DMD: variants seen among roughly 807,000 people sequenced by gnomAD.
DMD encodes mutant dystrophin.
A neutral mutation model predicts 330.1 loss-of-function variants in DMD; 63 were observed. The observed-to-expected ratio is 0.19, with a 90% CI of 0.16 to 0.24. The LOEUF is 0.24. Ranked by LOEUF, DMD falls within the 10% of genes least tolerant of loss-of-function variation. DMD has a pLI of 1.00. For missense variants in DMD, 3,344 were observed against 2,684.1 expected, an observed-to-expected ratio of 1.25 and a Z score of -5.43; for synonymous variants, 1,223 against 959.8, an observed-to-expected ratio of 1.27 and a Z score of -5.07.
intron 68 of DMD, among the ~76,000 whole-genome samples, chrX:31,181,495 G>T (rs1057447820): frequency 9.0e-6 from 1 of 111,353 alleles, no homozygotes; most frequent in Admixed American, 9.6e-5. Flanking sequence ...CAGAGAAAAG[G>T]TAGCTTAGAA....
intron 18 of DMD, among the ~76,000 whole-genome samples, chrX:32,514,704 G>A (rs929364070): frequency 1.4e-4 from 16 of 112,636 alleles, no homozygotes; most frequent in African/African-American, 4.5e-4. Context: ...TCGCGCCACT[G>A]CACTCCCGCC....
intron 11 of DMD, among the ~76,000 whole-genome samples, chrX:32,625,163 G>A (rs1206643704): frequency 9.0e-6 from 1 of 111,271 alleles, no homozygotes; most frequent in Non-Finnish European, 1.9e-5. Context: ...AGAGTGAAAC[G>A]CCGTTTCAAA....
Position 32,425,995 on chromosome X carries a change from C to A in DMD, c.4071+12246G>T, listed in dbSNP as rs191385574. On this transcript the variant is annotated intron_variant, in intron 29 of 78. Coordinates refer to ENST00000357033, the MANE Select transcript of DMD (RefSeq NM_004006.3). Reference sequence around the variant, plus strand: ...AAATCAACTCAAGATGAATGAAAGACTTAAAATGTCAAAGCAAAACTTTAA... The same window carrying A: ...AAATCAACTCAAGATGAATGAAAGAATTAAAATGTCAAAGCAAAACTTTAA... 6.6e-3 allele frequency among the ~76,000 whole-genome samples: 742 copies of A among 111,946 alleles called. 4 individuals carry two copies. The highest frequency in any genetic ancestry group is 0.065 in the South Asian group (178 of 2,719).
chrX:32,234,734 C>T (rs1203169870), intron 43 of DMD, among the ~76,000 whole-genome samples: 1 of 111,805 alleles, frequency 8.9e-6, no homozygotes, highest in Non-Finnish European at 1.9e-5. Flanking sequence ...GTATCATTCA[C>T]CTTAAATACC....
chrX:31,853,421 T>C (rs1205077962), intron 48 of DMD, among the ~76,000 whole-genome samples: 1 of 111,995 alleles, frequency 8.9e-6, no homozygotes, highest in Non-Finnish European at 1.9e-5. Flanking sequence ...TGCTTTAGGA[T>C]ATTACAGTGT....
intron 7 of DMD, among the ~76,000 whole-genome samples, chrX:32,805,254 T>C (rs1234533050): frequency 1.1e-4 from 12 of 111,770 alleles, no homozygotes; most frequent in Non-Finnish European, 2.1e-4. Context: ...ATAACCAGTT[T>C]AGGCAAAACA....
intron 2 of DMD, among the ~76,000 whole-genome samples, chrX:32,947,663 A>C (rs1368356068): frequency 1.8e-5 from 2 of 112,036 alleles, no homozygotes. Context: ...TCATTGAGGA[A>C]AGTCATACAT....
intron 1 of DMD, among the ~76,000 whole-genome samples, chrX:33,109,906 T>G (rs2148426264): frequency 9.0e-6 from 1 of 111,233 alleles, no homozygotes; most frequent in South Asian, 3.8e-4. Context: ...AAATGCAATC[T>G]TGCACATTGA....
intron 49 of DMD, among the ~76,000 whole-genome samples, chrX:31,829,456 A>G (rs1785213553): frequency 9.6e-6 from 1 of 104,397 alleles, no homozygotes; most frequent in Non-Finnish European, 2.0e-5. Flanking sequence ...TTAAAAATAA[A>G]AAAAAATTTT....
At chrX:31,457,266 A>T (rs1347984060) in intron 59 of DMD, among the ~76,000 whole-genome samples, 1 of 111,434 alleles carries the variant, frequency 9.0e-6, no homozygotes. Flanking sequence ...TGGCAAATGG[A>T]GCAAATTATT....
intron 29 of DMD, among the ~76,000 whole-genome samples, chrX:32,427,725 G>C (rs1020909480): frequency 6.3e-5 from 7 of 110,851 alleles, no homozygotes; most frequent in Non-Finnish European, 9.5e-5. Flanking sequence ...TTCCTAGAAA[G>C]TGTGTTCAAA....
chrX:31,853,448 T>C (rs1395154244), intron 48 of DMD, among the ~76,000 whole-genome samples: 1 of 112,108 alleles, frequency 8.9e-6, no homozygotes, highest in Non-Finnish European at 1.9e-5. Context: ...AAATAATCAG[T>C]CTAGAAATAA....
intron 1 of DMD, among the ~76,000 whole-genome samples, chrX:33,117,863 C>A (rs2095396798): frequency 3.3e-5 from 1 of 30,737 alleles, no homozygotes; most frequent in African/African-American, 9.9e-5. Context: ...CAACTTGTTG[C>A]AATTTGCACA....
chrX:32,707,268 T>G (rs960975148), intron 7 of DMD, among the ~76,000 whole-genome samples: 1 of 112,043 alleles, frequency 8.9e-6, no homozygotes, highest in Non-Finnish European at 1.9e-5. Flanking sequence ...GAAAGGAAGT[T>G]ACGAATAAAT....
chrX:31,220,860 G>C (rs1011223603), intron 64 of DMD, among the ~76,000 whole-genome samples: 25 of 96,293 alleles, frequency 2.6e-4, no homozygotes, highest in Admixed American at 7.1e-4. Flanking sequence ...AAATGAATTC[G>C]TAAACTTTCC....
chrX:31,271,624 G>A (rs1603275912), intron 62 of DMD, among the ~76,000 whole-genome samples: 2 of 111,498 alleles, frequency 1.8e-5, no homozygotes, highest in African/African-American at 3.3e-5. Context: ...TCTATAGTGC[G>A]CCCTAAGTTT....
chrX:32,754,601 C>A (rs1396963282), intron 7 of DMD, among the ~76,000 whole-genome samples: 1 of 109,988 alleles, frequency 9.1e-6, no homozygotes. Flanking sequence ...CCTGATGAGA[C>A]CATCACAACC....
chrX:32,697,795 G>C, intron 9 of DMD, 75 bp downstream of exon 9: 3 of 1,179,833 alleles, frequency 2.5e-6, no homozygotes, highest in Non-Finnish European at 3.4e-6. Flanking sequence ...AAAAATTCAA[G>C]CAAGTAAAAG....
At chrX:33,176,835 G>A (rs2148721460) in intron 1 of DMD, among the ~76,000 whole-genome samples, 1 of 111,417 alleles carries the variant, frequency 9.0e-6, no homozygotes, top group South Asian at 3.8e-4. Context: ...TACTCGGGAG[G>A]CTGAGGCAGG....
Sources: allele counts gnomAD v4.1 joint callset (sites outside exome capture counted in the v4.1 genomes callset), GRCh38; gene constraint gnomAD v4.1.1; transcripts MANE v1.5; gene names NCBI Gene and HGNC (gene_info 2026-07-23, HGNC 2026-07-21).